SPTBN1: variants seen among roughly 807,000 people sequenced by gnomAD.
SPTBN1 encodes spectrin beta, non-erythrocytic 1.
In SPTBN1, 32 loss-of-function variants were observed where a neutral mutation model predicts 266.4. That is an observed-to-expected ratio of 0.12 (90% CI 0.09 to 0.16). The LOEUF (loss-of-function observed/expected upper bound fraction) is 0.16, where lower values mean the gene tolerates loss of function less well. SPTBN1 is among the 10% of genes least tolerant of loss of function. The pLI is 1.00. For missense variants in SPTBN1, 2,296 were observed against 3,067.1 expected, an observed-to-expected ratio of 0.75 and a Z score of 5.94; for synonymous variants, 1,336 against 1,162.2, an observed-to-expected ratio of 1.15 and a Z score of -3.04.
chr2:54,462,340 G>T (rs1443373930), intron 1 of SPTBN1, among the ~76,000 whole-genome samples: 2 of 152,084 alleles, frequency 1.3e-5, no homozygotes, highest in African/African-American at 4.8e-5. Context: ...ATTTTAAAAG[G>T]CTGCATTACC....
intron 26 of SPTBN1, chr2:54,652,780 C>T (rs564057567): frequency 3.3e-5 from 5 of 152,346 alleles, no homozygotes; most frequent in Admixed American, 1.3e-4. Flanking sequence ...ACAGTATCTC[C>T]ATGAAGCATC....
intron 26 of SPTBN1, among the ~76,000 whole-genome samples, chr2:54,651,126 G>A (rs1480758067): frequency 6.6e-6 from 1 of 152,186 alleles, no homozygotes; most frequent in Admixed American, 6.5e-5. Context: ...GGAAACATGG[G>A]ATATCTAGAG....
At chr2:54,608,221 C>T (rs1676979805) in intron 3 of SPTBN1, among the ~76,000 whole-genome samples, 2 of 152,214 alleles carry the variant, frequency 1.3e-5, no homozygotes, top group South Asian at 2.1e-4. Flanking sequence ...TATAAAGCCT[C>T]ATCCTTGCTC....
At chr2:54,635,215 C>G (rs58419243) in intron 17 of SPTBN1, among the ~76,000 whole-genome samples, 23,126 of 152,240 alleles carry the variant, frequency 0.15, 1,840 homozygotes, top group Middle Eastern at 0.21. Context: ...AGGTCCTTCT[C>G]AGGCCCTTCC....
intron 1 of SPTBN1, among the ~76,000 whole-genome samples, chr2:54,490,727 G>A (rs926849699): frequency 3.9e-5 from 6 of 152,132 alleles, no homozygotes; most frequent in African/African-American, 1.4e-4. Flanking sequence ...GGAGGGATGG[G>A]GACAGCTTAG....
intron 18 of SPTBN1, among the ~76,000 whole-genome samples, chr2:54,639,394 G>C (rs1679376565): frequency 1.3e-5 from 2 of 152,160 alleles, no homozygotes; most frequent in South Asian, 4.1e-4. Context: ...CCATATTCCT[G>C]GGGGTAGGGG....
rs76792842 is a variant in SPTBN1 at position 54,585,985 on chromosome 2, A to G, written c.149-13107A>G. ...TGAGAAGTGAAATTTTGAGTTACACATTGGGATATGATATCACTTAGAAAA... is the reference window on the plus strand; with the variant it reads ...TGAGAAGTGAAATTTTGAGTTACACGTTGGGATATGATATCACTTAGAAAA... On this transcript the variant is annotated intron_variant, in intron 2 of 35. Coordinates refer to ENST00000356805, the MANE Select transcript of SPTBN1 (RefSeq NM_003128.3). Among the ~76,000 whole-genome samples the G allele has an allele frequency of 2.4e-3, 367 of 152,380 alleles. 1 individual carries two copies. Among genetic ancestry groups the G allele is most frequent in the Non-Finnish European group, 4.4e-3 (296 of 68,038 alleles).
Position 54,465,666 on chromosome 2 carries a change from A to ATATATATATATATATC in SPTBN1, c.-48+9151_-48+9152insATATATATATATCTAT, listed in dbSNP as rs1408352073. Among the ~76,000 whole-genome samples, 92 of 137,806 alleles carry ATATATATATATATATC rather than the reference A, an allele frequency of 6.7e-4. No individual in the cohort carries two copies. In the East Asian group the frequency reaches 0.017, roughly 25 times the overall value. 90.4% of individuals were successfully genotyped at this position (137,806 alleles called of 152,430 possible). On this transcript the variant is annotated intron_variant, in intron 1 of 35. Coordinates refer to ENST00000356805, the MANE Select transcript of SPTBN1 (RefSeq NM_003128.3). ...TATATATATATATATATATATATAT[A>ATATATATATATATATC]TATCTCACACATGGGAGAGAGAGGT...
At position 54,622,341 on chromosome 2, in the gene SPTBN1, G is replaced by T; in HGVS notation, c.918G>T (p.Lys306Asn). The T allele has an allele frequency of 6.2e-7, 1 of 1,614,202 alleles. No individual in the cohort carries two copies. Among genetic ancestry groups the T allele is most frequent in the Non-Finnish European group, 8.5e-7 (1 of 1,180,030 alleles). Residue 306 changes from lysine to asparagine, a missense_variant, in exon 9 of 36, where the codon AAG becomes AAT. Lys to Asn is a moderately conservative substitution (Grantham distance 94). Transcript: ENST00000356805. The part of the protein sequence containing the change: ...NAIETEKMIE[K>N]YESLASDLLE... ...TTGAAACAGAAAAAATGATTGAAAA[G>T]TATGAATCACTTGCCTCTGACCTTC...
rs1057163405 is a variant in SPTBN1 at position 54,524,147 on chromosome 2, C to G, written c.-47-2225C>G. Among the ~76,000 whole-genome samples, 7 of 152,054 alleles carry G rather than the reference C, an allele frequency of 4.6e-5. No homozygotes were observed. In the East Asian group the frequency reaches 1.2e-3, roughly 25 times the overall value. On this transcript the variant is annotated intron_variant, in intron 1 of 35. Transcript: ENST00000356805. ...CCAGGAGGCGGAGGCTGCAGTGAGC[C>G]GAGATGGTGCCACTGCACTCCAGCC...
At chr2:54,658,136 CTTGT>C (rs1680800679) in intron 30 of SPTBN1, 90 bp downstream of exon 30, 27 of 1,474,180 alleles carry the variant, frequency 1.8e-5, no homozygotes, top group Non-Finnish European at 2.5e-5. Context: ...CACACGATTG[CTTGT>C]TTTTGTTTTT....
rs374372060 is a variant in SPTBN1 at position 54,631,492 on chromosome 2, A to G, written c.3445A>G (p.Thr1149Ala). 6.2e-7 allele frequency: 1 copy of G among 1,614,234 alleles called. No homozygotes were observed. The highest frequency in any genetic ancestry group is 8.5e-7 in the Non-Finnish European group (1 of 1,180,038). ...FLRQRLQALDTGWNELHKMWE... is the reference protein window; with the variant it reads ...FLRQRLQALDAGWNELHKMWE... ...GCGGCAGCGGCTGCAGGCCCTGGAC[A>G]CTGGATGGAACGAGCTCCACAAGAT... The change falls in exon 16 of 36, where the codon ACT becomes GCT. Residue 1149 changes from threonine to alanine, a missense_variant. Coordinates refer to ENST00000356805, the MANE Select transcript of SPTBN1 (RefSeq NM_003128.3).
Position 54,664,573 on chromosome 2 carries a change from C to G in SPTBN1, c.6541C>G (p.Pro2181Ala), listed in dbSNP as rs569417489. The change falls in exon 33 of 36, where the codon CCA (proline) becomes GCA (alanine). Residue 2181 changes from proline (P) to alanine (A), a missense_variant. This residue lies in a region of SPTBN1 where 347 missense variants were observed against 368.5 expected (regional missense o/e 0.94). Coordinates refer to ENST00000356805, the MANE Select transcript of SPTBN1 (RefSeq NM_003128.3). The surrounding 1 kb of genome is among the most constrained non-coding windows in gnomAD (Gnocchi z 5.6). ...TGATCGTAAAGCCAAGACTGCCCTC[C>G]CAGCCCAGAGTGCCGCCACCTTACC... ...TSDRKAKTAL[P>A]AQSAATLPAR... 6.2e-7 allele frequency: 1 copy of G among 1,614,172 alleles called. No homozygotes were observed. Among genetic ancestry groups the G allele is most frequent in the African/African-American group, 1.3e-5 (1 of 75,040 alleles).
At chr2:54,644,018 G>A (rs1001973137) in intron 19 of SPTBN1, among the ~76,000 whole-genome samples, 1 of 151,746 alleles carries the variant, frequency 6.6e-6, no homozygotes, top group Non-Finnish European at 1.5e-5. Context: ...ATAATGTGTT[G>A]TATATCATCT....
intron 1 of SPTBN1, among the ~76,000 whole-genome samples, chr2:54,466,044 AC>A (rs1286238268): frequency 1.3e-5 from 2 of 152,156 alleles, no homozygotes; most frequent in Non-Finnish European, 1.5e-5. Context: ...TTTAAAACTG[AC>A]CCTTGTTTAT....
Position 54,666,002 on chromosome 2 carries a change from C to T in SPTBN1, c.6747C>T (p.Tyr2249=). Residue 2249 remains tyrosine, a synonymous_variant, in exon 34 of 36, where the codon TAC becomes TAT. Coordinates refer to ENST00000356805, the MANE Select transcript of SPTBN1 (RefSeq NM_003128.3). ...DAKTAASGIP[Y]HSEVPVSLKE... Reference sequence around the variant, plus strand: ...AGACTGCTGCTTCTGGAATTCCCTACCACAGCGAGGTCCCTGTGAGTTTGA... The same window carrying T: ...AGACTGCTGCTTCTGGAATTCCCTATCACAGCGAGGTCCCTGTGAGTTTGA... 1 of 1,614,114 alleles carries T rather than the reference C, an allele frequency of 6.2e-7. No homozygotes were observed. Among genetic ancestry groups the T allele is most frequent in the Non-Finnish European group, 8.5e-7 (1 of 1,180,018 alleles).
intron 1 of SPTBN1, among the ~76,000 whole-genome samples, chr2:54,459,504 T>G (rs1693245694): frequency 6.6e-6 from 1 of 152,234 alleles, no homozygotes; most frequent in Non-Finnish European, 1.5e-5. Flanking sequence ...ACTGCTAACA[T>G]AGACATGATT....
Position 54,668,515 on chromosome 2 carries a change from G to A in SPTBN1, c.7041G>A (p.Lys2347=), listed in dbSNP as rs1319523921. The change falls in exon 36 of 36, where the codon AAG becomes AAA. Residue 2347 remains lysine, a synonymous_variant. Coordinates refer to ENST00000356805, the MANE Select transcript of SPTBN1 (RefSeq NM_003128.3). The part of the protein sequence containing the change: ...TSESSPGKRE[K]DKEKDKEKRF... The stretch of plus-strand genomic sequence containing the variant: ...AGTCCAGTCCCGGCAAGCGGGAAAA[G>A]GACAAAGAGAAAGACAAAGAGAAGC... 1.9e-6 allele frequency: 3 copies of A among 1,614,060 alleles called. No individual in the cohort carries two copies. Among genetic ancestry groups the A allele is most frequent in the Non-Finnish European group, 2.5e-6 (3 of 1,180,034 alleles).
At chr2:54,484,943 G>T (rs976471447) in intron 1 of SPTBN1, among the ~76,000 whole-genome samples, 2 of 151,168 alleles carry the variant, frequency 1.3e-5, no homozygotes, top group Non-Finnish European at 2.9e-5. Context: ...CTTGAGTGTC[G>T]TGTAAAATAC....
Sources: allele counts gnomAD v4.1 joint callset (sites outside exome capture counted in the v4.1 genomes callset), GRCh38; gene constraint gnomAD v4.1.1; regional missense constraint gnomAD v4.1.1; non-coding constraint Gnocchi (gnomAD v3.1); transcripts MANE v1.5; gene names NCBI Gene and HGNC (gene_info 2026-07-23, HGNC 2026-07-21).